Variants in ZFHX3 observed in about 807,000 individuals in gnomAD.
ZFHX3 encodes the protein zinc finger homeobox 3.
A neutral mutation model predicts 279.1 loss-of-function variants in ZFHX3; 42 were observed. The ratio of observed to expected loss-of-function variants is 0.15; its 90% CI spans 0.12 to 0.19. ZFHX3 has a LOEUF of 0.19. Ranked by LOEUF, ZFHX3 falls within the 10% of genes least tolerant of loss-of-function variation. The pLI is 1.00. For synonymous variants in ZFHX3, 2,293 were observed against 1,957.8 expected, an observed-to-expected ratio of 1.17 and a Z score of -4.52; for missense variants, 4,981 against 4,754.0, an observed-to-expected ratio of 1.05 and a Z score of -1.40.
intron 4 of ZFHX3, among the ~76,000 whole-genome samples, chr16:73,271,128 G>T (rs2014132326): frequency 1.3e-5 from 2 of 152,128 alleles, no homozygotes; most frequent in South Asian, 4.1e-4. Context: ...TTAGAGCTTG[G>T]CGTTGAGTGG....
At chr16:73,487,105 G>C (rs1429350739) in intron 2 of ZFHX3, among the ~76,000 whole-genome samples, 3 of 152,216 alleles carry the variant, frequency 2.0e-5, no homozygotes, top group Non-Finnish European at 2.9e-5. Context: ...TGCTGAAATA[G>C]CTTGCTATTT....
intron 2 of ZFHX3, among the ~76,000 whole-genome samples, chr16:73,540,449 A>G (rs1209135968): frequency 2.0e-5 from 3 of 152,228 alleles, no homozygotes; most frequent in Non-Finnish European, 4.4e-5. Flanking sequence ...CCTAACTTTT[A>G]GTCGCATCAA....
Position 72,795,540 on chromosome 16 carries a change from G to A in ZFHX3, c.7142C>T (p.Ser2381Phe), listed in dbSNP as rs961357704. The change falls in exon 9 of 10, where the codon TCC becomes TTC. Residue 2381 changes from serine (S) to phenylalanine (F), a missense_variant. Physicochemically the swap from Ser to Phe is radical, Grantham distance 155 (BLOSUM62 -2). This residue lies in a region of ZFHX3 where 744 missense variants were observed against 701.3 expected (regional missense o/e 1.06). Transcript: ENST00000268489. ...AMEILTPTSS[S>F]CSTPMPSQAY... ...CTGTGAGGGCATCGGGGTACTGCAG[G>A]ATGAGCTGGTAGGCGTCAGGATTTC... 35 of 1,614,122 alleles carry A rather than the reference G, an allele frequency of 2.2e-5. No homozygotes were observed. Among genetic ancestry groups the A allele is most frequent in the Middle Eastern group, 1.7e-4 (1 of 6,060 alleles).
intron 4 of ZFHX3, among the ~76,000 whole-genome samples, chr16:73,282,743 G>A (rs952548083): frequency 6.6e-6 from 1 of 151,864 alleles, no homozygotes; most frequent in African/African-American, 2.4e-5. Context: ...TTTTCTTCTT[G>A]TTTCATTGTT....
chr16:73,308,448 G>T (rs1055965781), intron 4 of ZFHX3, among the ~76,000 whole-genome samples: 4 of 151,386 alleles, frequency 2.6e-5, no homozygotes, highest in Non-Finnish European at 5.9e-5. Context: ...TCACCACCAT[G>T]CCTGGCTAAT....
At chr16:73,135,984 A>T (rs1480727156) in intron 6 of ZFHX3, among the ~76,000 whole-genome samples, 1 of 151,782 alleles carries the variant, frequency 6.6e-6, no homozygotes, top group African/African-American at 2.4e-5. Flanking sequence ...CAGCCTCCTG[A>T]GTAGCTGGGA....
At chr16:73,403,838 G>A (rs997254771) in intron 3 of ZFHX3, among the ~76,000 whole-genome samples, 13 of 152,212 alleles carry the variant, frequency 8.5e-5, no homozygotes, top group African/African-American at 3.1e-4. Context: ...CAGGCCAAGA[G>A]CCAGGAAGGA....
At chr16:73,370,786 T>C (rs1435927589) in intron 3 of ZFHX3, among the ~76,000 whole-genome samples, 2 of 152,334 alleles carry the variant, frequency 1.3e-5, no homozygotes, top group East Asian at 1.9e-4. Context: ...GGCACTTGAA[T>C]GCTTAAAAAC....
intron 8 of ZFHX3, among the ~76,000 whole-genome samples, chr16:73,067,856 A>G (rs1461285641): frequency 1.3e-5 from 2 of 152,142 alleles, no homozygotes; most frequent in African/African-American, 4.8e-5. Flanking sequence ...TAGCCAAGGG[A>G]GTCTCTATTC....
intron 1 of ZFHX3, among the ~76,000 whole-genome samples, chr16:72,967,262 C>G (rs1270322434): frequency 6.6e-6 from 1 of 152,074 alleles, no homozygotes; most frequent in Non-Finnish European, 1.5e-5. Flanking sequence ...TGGGCTGGAG[C>G]AGGAAAAGTT....
chr16:73,777,825 C>T (rs2142299528), intron 1 of ZFHX3, among the ~76,000 whole-genome samples: 1 of 152,252 alleles, frequency 6.6e-6, no homozygotes, highest in South Asian at 2.1e-4. Context: ...AGGTTGCCAA[C>T]AACTGCAAGA....
intron 2 of ZFHX3, among the ~76,000 whole-genome samples, chr16:73,466,268 GC>G (rs2018568876): frequency 6.6e-6 from 1 of 152,116 alleles, no homozygotes; most frequent in African/African-American, 2.4e-5. Context: ...GATCCATTGA[GC>G]CCAGGAGTTC....
chr16:73,297,734 A>T (rs1005115284), intron 4 of ZFHX3, among the ~76,000 whole-genome samples: 9 of 151,922 alleles, frequency 5.9e-5, no homozygotes, highest in Non-Finnish European at 1.3e-4. Context: ...CTGTTCTTTT[A>T]TTACGTGACC....
intron 1 of ZFHX3, among the ~76,000 whole-genome samples, chr16:73,838,157 A>C (rs994477957): frequency 2.0e-5 from 3 of 152,190 alleles, no homozygotes; most frequent in Non-Finnish European, 4.4e-5. Context: ...TTGGTAAATG[A>C]CTACTGTATC....
chr16:73,705,161 T>A (rs972965327), intron 1 of ZFHX3, among the ~76,000 whole-genome samples: 9 of 152,352 alleles, frequency 5.9e-5, no homozygotes, highest in African/African-American at 2.2e-4. Flanking sequence ...TCTTTGCTTT[T>A]AATATAATTT....
chr16:73,316,606 T>C (rs539463397), intron 4 of ZFHX3, among the ~76,000 whole-genome samples: 80 of 152,228 alleles, frequency 5.3e-4, no homozygotes, highest in Non-Finnish European at 9.0e-4. Flanking sequence ...CCATGTGCCT[T>C]GAAAGAAAGG....
chr16:73,303,862 G>A (rs1416309136), intron 4 of ZFHX3, among the ~76,000 whole-genome samples: 1 of 147,274 alleles, frequency 6.8e-6, no homozygotes, highest in African/African-American at 2.5e-5. Context: ...AACAGGATCA[G>A]TGGAAACCGA....
intron 5 of ZFHX3, among the ~76,000 whole-genome samples, chr16:73,245,052 G>A (rs2013237552): frequency 6.6e-6 from 1 of 152,116 alleles, no homozygotes; most frequent in Non-Finnish European, 1.5e-5. Flanking sequence ...ACCTATTCTT[G>A]GAAACTCTGT....
chr16:73,693,993 A>C (rs1343938858), intron 1 of ZFHX3, among the ~76,000 whole-genome samples: 1 of 150,728 alleles, frequency 6.6e-6, no homozygotes, highest in Non-Finnish European at 1.5e-5. Flanking sequence ...CTGCTGACTC[A>C]AATAAACATG....
Sources: allele counts gnomAD v4.1 joint callset (sites outside exome capture counted in the v4.1 genomes callset), GRCh38; gene constraint gnomAD v4.1.1; regional missense constraint gnomAD v4.1.1; transcripts MANE v1.5; gene names NCBI Gene and HGNC (gene_info 2026-07-23, HGNC 2026-07-21).